The following MTX2 variants were observed in gnomAD, a reference collection of about 807,000 sequenced individuals.
MTX2 encodes the protein metaxin-2.
A neutral mutation model predicts 42.3 loss-of-function variants in MTX2; 35 were observed. That is an observed-to-expected ratio of 0.83 (90% CI 0.63 to 1.10). The LOEUF is 1.10. Among genes scored for constraint, MTX2 ranks in the 50% least tolerant of loss-of-function variants. The pLI, the probability that MTX2 is intolerant of heterozygous loss-of-function variation, is 0.00. For synonymous variants in MTX2, 119 were observed against 100.9 expected (o/e 1.18, Z -1.08); for missense variants, 307 against 304.1 (o/e 1.01, Z -0.07).
intron 6 of MTX2, 44 bp downstream of exon 6, chr2:176,328,429 C>T: frequency 8.2e-7 from 1 of 1,215,132 alleles, no homozygotes; most frequent in South Asian, 1.7e-5. Flanking sequence ...CTTTTTCTCT[C>T]ATTCTCATAA....
intron 3 of MTX2, among the ~76,000 whole-genome samples, chr2:176,320,762 A>C (rs952159594): frequency 4.1e-5 from 6 of 147,186 alleles, no homozygotes; most frequent in Non-Finnish European, 8.9e-5. Context: ...TGGTGTGATC[A>C]TGGCTTACTG....
chr2:176,292,751 G>A (rs562585363), intron 1 of MTX2, among the ~76,000 whole-genome samples: 30 of 152,002 alleles, frequency 2.0e-4, no homozygotes, highest in Admixed American at 4.6e-4. Flanking sequence ...TTCATGTCAT[G>A]GTTTACATGT....
chr2:176,295,741 T>C (rs1169869596), intron 1 of MTX2, among the ~76,000 whole-genome samples: 7 of 152,152 alleles, frequency 4.6e-5, no homozygotes, highest in Non-Finnish European at 1.0e-4. Flanking sequence ...CTTTTTCCTA[T>C]TCCAGGGATT....
intron 3 of MTX2, among the ~76,000 whole-genome samples, chr2:176,311,148 G>C (rs1451040222): frequency 6.6e-6 from 1 of 152,144 alleles, no homozygotes; most frequent in African/African-American, 2.4e-5. Flanking sequence ...CCTTCTAACA[G>C]CCAGGTCCCT....
At chr2:176,330,234 C>G (rs1684828089) in intron 8 of MTX2, among the ~76,000 whole-genome samples, 1 of 150,908 alleles carries the variant, frequency 6.6e-6, no homozygotes, top group Non-Finnish European at 1.5e-5. Flanking sequence ...TTCAGGAAGA[C>G]ACTTTTGTTC....
chr2:176,308,396 T>C (rs1258335305), intron 3 of MTX2, among the ~76,000 whole-genome samples: 2 of 152,226 alleles, frequency 1.3e-5, no homozygotes, highest in Non-Finnish European at 2.9e-5. Flanking sequence ...GGCTCTGGTA[T>C]CAGGATGATG....
intron 1 of MTX2, among the ~76,000 whole-genome samples, chr2:176,294,975 C>T (rs1396048996): frequency 3.3e-5 from 5 of 152,130 alleles, no homozygotes; most frequent in Admixed American, 6.5e-5. Context: ...TTAGAATATC[C>T]TGTTACCTTA....
intron 1 of MTX2, among the ~76,000 whole-genome samples, chr2:176,296,092 A>C (rs1350497021): frequency 6.6e-6 from 1 of 152,160 alleles, no homozygotes; most frequent in East Asian, 1.9e-4. Flanking sequence ...CAAATCTAGT[A>C]CTTTTCCCAA....
chr2:176,337,434 G>T (rs946705871), intron 9 of MTX2, 59 bp from the exon 10 acceptor site: 43 of 1,432,956 alleles, frequency 3.0e-5, no homozygotes, highest in Admixed American at 6.4e-5. Context: ...GGCCAACTGT[G>T]TTTTCTATTG....
chr2:176,311,223 A>C (rs1684295902), intron 3 of MTX2, among the ~76,000 whole-genome samples: 1 of 152,156 alleles, frequency 6.6e-6, no homozygotes, highest in African/African-American at 2.4e-5. Flanking sequence ...GGGTATCACC[A>C]GTGGAGGCTG....
Position 176,285,291 on chromosome 2 carries a change from A to G in MTX2, c.41-11569A>G, listed in dbSNP as rs576938337. ...ATATATGTCAAGCACTTACATGTAC[A>G]GTAAGTGCAATAAGTCTTTTAAGAT... is the stretch of plus-strand genomic sequence containing the variant. On this transcript the variant is annotated intron_variant, in intron 1 of 9. Transcript: ENST00000249442. Among the ~76,000 whole-genome samples the G allele has an allele frequency of 2.6e-5, 4 of 152,306 alleles. No individual in the cohort carries two copies. In the East Asian group the frequency reaches 5.8e-4, roughly 22 times the overall value.
chr2:176,275,123 A>AT (rs1388592810), intron 1 of MTX2, among the ~76,000 whole-genome samples: 1 of 152,152 alleles, frequency 6.6e-6, no homozygotes, highest in African/African-American at 2.4e-5. Context: ...TTTGGAATAT[A>AT]TTTTTTAAAG....
chr2:176,294,599 TACTG>T (rs1310707614), intron 1 of MTX2, among the ~76,000 whole-genome samples: 2 of 152,226 alleles, frequency 1.3e-5, no homozygotes, highest in East Asian at 1.9e-4. Context: ...TAACTGAAAT[TACTG>T]ACCACATAAA....
intron 3 of MTX2, among the ~76,000 whole-genome samples, chr2:176,311,442 C>G (rs1684303651): frequency 6.6e-6 from 1 of 152,210 alleles, no homozygotes; most frequent in Non-Finnish European, 1.5e-5. Context: ...TCAGAGCTGT[C>G]AGACAGGGAC....
chr2:176,315,970 T>A (rs1684425287), intron 3 of MTX2, among the ~76,000 whole-genome samples: 1 of 152,200 alleles, frequency 6.6e-6, no homozygotes, highest in African/African-American at 2.4e-5. Flanking sequence ...ACCATGCATA[T>A]TTTCTGGTTT....
At chr2:176,288,356 G>A (rs1693253918) in intron 1 of MTX2, among the ~76,000 whole-genome samples, 1 of 151,938 alleles carries the variant, frequency 6.6e-6, no homozygotes, top group East Asian at 1.9e-4. Context: ...GATATCATTA[G>A]TATAATATTT....
In MTX2 at chr2:176,282,126, GT is replaced by G. The variant is rs71004264; in HGVS notation, c.40+12485del. On this transcript the variant is annotated intron_variant, in intron 1 of 9. Transcript: ENST00000249442. ...TGATATTATTTTTAGAGTTACAGTA[GT>G]TTTTTTTTTTTTTTTTTTTTTTTTT... Among the ~76,000 whole-genome samples, 74 of 26,418 alleles carry G rather than the reference GT, an allele frequency of 2.8e-3. 5 individuals are homozygous for G. The South Asian group carries it at 0.038, about 13-fold the overall frequency. The allele number at this position is 26,418 out of a possible 152,430, so 17.3% of individuals were successfully genotyped here. A position where few individuals can be genotyped will look rare whatever the true frequency, so the allele number is the denominator to read the frequency against.
intron 3 of MTX2, among the ~76,000 whole-genome samples, chr2:176,310,158 C>G (rs1230223383): frequency 6.6e-6 from 1 of 152,014 alleles, no homozygotes; most frequent in Non-Finnish European, 1.5e-5. Context: ...TTCTCCTTCA[C>G]TTATGAAGCT....
At chr2:176,306,949 T>G (rs1684165094) in intron 3 of MTX2, among the ~76,000 whole-genome samples, 1 of 152,236 alleles carries the variant, frequency 6.6e-6, no homozygotes, top group African/African-American at 2.4e-5. Flanking sequence ...TTGTTGCCAT[T>G]GTTTTTGGTG....
Sources: gnomAD v4.1 joint callset for allele counts (sites outside exome capture counted in the v4.1 genomes callset) on GRCh38, gnomAD v4.1.1 for gene constraint, MANE v1.5 for transcripts, NCBI Gene and HGNC (gene_info 2026-07-23, HGNC 2026-07-21) for gene names.